The following FLI1 variants were observed in gnomAD, a reference collection of about 807,000 sequenced individuals.
FLI1 encodes Friend leukemia integration 1 transcription factor.
FLI1 carries 13 observed loss-of-function variants against 53.1 expected under a neutral mutation model. That is an observed-to-expected ratio of 0.24 (90% confidence interval 0.16 to 0.39). The LOEUF is 0.39. Among genes scored for constraint, FLI1 ranks in the 10% least tolerant of loss-of-function variants. The probability of loss-of-function intolerance (pLI) is 1.00; values close to 1 mark genes in which losing one functional copy is unlikely to be tolerated. For synonymous variants in FLI1, 244 were observed against 236.7 expected, an observed-to-expected ratio of 1.03 and a Z score of -0.28; for missense variants, 424 against 600.5, an observed-to-expected ratio of 0.71 and a Z score of 3.07.
At chr11:128,744,233 T>A (rs2135781402) in intron 1 of FLI1, among the ~76,000 whole-genome samples, 1 of 152,308 alleles carries the variant, frequency 6.6e-6, no homozygotes, top group Non-Finnish European at 1.5e-5. Context: ...GGATAAGCAT[T>A]TCCTGGAACA....
rs980332497 is a variant in FLI1 at position 128,700,304 on chromosome 11, A to G, written c.18+6028A>G. 3.3e-5 allele frequency among the ~76,000 whole-genome samples: 5 copies of G among 152,224 alleles called. No homozygotes were observed. In the East Asian group the frequency reaches 5.8e-4, roughly 18 times the overall value. Reference sequence around the variant, plus strand: ...TCAGAGGAGTGAGGTAACTTGCCCAAGAGTATAACTAACAGGGGACAGATC... The same window carrying G: ...TCAGAGGAGTGAGGTAACTTGCCCAGGAGTATAACTAACAGGGGACAGATC... On this transcript the variant is annotated intron_variant, in intron 1 of 8. Coordinates refer to ENST00000527786, the MANE Select transcript of FLI1 (RefSeq NM_002017.5).
At chr11:128,696,115 G>C (rs908564136) in intron 1 of FLI1, 1 of 152,240 alleles carries the variant, frequency 6.6e-6, no homozygotes, top group Admixed American at 6.5e-5. Flanking sequence ...GGCAGGCCTC[G>C]AGAACAGGCT....
At chr11:128,774,202 A>C (rs35165019) in intron 4 of FLI1, among the ~76,000 whole-genome samples, 24 of 152,284 alleles carry the variant, frequency 1.6e-4, no homozygotes, top group Admixed American at 4.6e-4. Context: ...ATGAAAAATC[A>C]AAAAACTGGC....
At chr11:128,789,673 G>A (rs939270158) in intron 5 of FLI1, among the ~76,000 whole-genome samples, 3 of 152,196 alleles carry the variant, frequency 2.0e-5, no homozygotes, top group Non-Finnish European at 4.4e-5. Context: ...TTGGGAAGGC[G>A]GGCATTTGGC....
chr11:128,756,095 C>A (rs1853020193), intron 1 of FLI1, among the ~76,000 whole-genome samples: 1 of 152,166 alleles, frequency 6.6e-6, no homozygotes, highest in Non-Finnish European at 1.5e-5. Context: ...TAGACAAATC[C>A]CAGCTTTAAC....
intron 1 of FLI1, among the ~76,000 whole-genome samples, chr11:128,755,346 C>T (rs1265907128): frequency 1.3e-5 from 2 of 152,234 alleles, no homozygotes; most frequent in Non-Finnish European, 2.9e-5. Context: ...GAACGTAAGC[C>T]ATTCTCTACA....
intron 4 of FLI1, 59 bp from the exon 5 acceptor site, chr11:128,781,899 C>A: frequency 7.4e-7 from 1 of 1,342,382 alleles, no homozygotes; most frequent in South Asian, 1.2e-5. Context: ...CATGTCATCT[C>A]CTACTCTTGA....
chr11:128,804,585 G>T lies in FLI1; in HGVS notation c.656-781G>T, dbSNP rs1467506818. On this transcript the variant is annotated intron_variant, in intron 5 of 8. Transcript: ENST00000527786. Reference sequence around the variant, plus strand: ...AAGCCCTTAGTCATGCCCAGGTGGGGAGCAGGTCTCCAACCTCTCATTTCC... The same window carrying T: ...AAGCCCTTAGTCATGCCCAGGTGGGTAGCAGGTCTCCAACCTCTCATTTCC... The T allele has an allele frequency of 2.6e-5, 4 of 152,170 alleles. No homozygotes were observed. The East Asian group carries it at 7.7e-4, about 29-fold the overall frequency. The allele number at this position is 152,170 out of a possible 1,614,324, so 9.4% of individuals were successfully genotyped here.
At chr11:128,697,894 A>G (rs895381208) in intron 1 of FLI1, among the ~76,000 whole-genome samples, 1 of 152,218 alleles carries the variant, frequency 6.6e-6, no homozygotes, top group Admixed American at 6.5e-5. Context: ...GAACAATCTC[A>G]GTTGAGTGGT....
chr11:128,811,140 C>A lies in FLI1; in HGVS notation c.*152C>A. ...AACCTTTGTATTTGTTCTTTAAAAA[C>A]ATTTTTTTTAATGTTGGTAACTTTT... On this transcript the variant is annotated 3_prime_UTR_variant, in exon 9 of 9. Coordinates refer to ENST00000527786, the MANE Select transcript of FLI1 (RefSeq NM_002017.5). The A allele has an allele frequency of 2.7e-6, 2 of 747,584 alleles. No individual in the cohort carries two copies. Among genetic ancestry groups the A allele is most frequent in the Non-Finnish European group, 4.3e-6 (2 of 462,402 alleles). 46.3% of individuals were successfully genotyped at this position (747,584 alleles called of 1,614,324 possible).
At chr11:128,756,256 C>G (rs1293181349) in intron 1 of FLI1, among the ~76,000 whole-genome samples, 1 of 152,174 alleles carries the variant, frequency 6.6e-6, no homozygotes, top group South Asian at 2.1e-4. Flanking sequence ...GATCAGGGTG[C>G]CAGCAGGGTT....
At chr11:128,726,859 G>A (rs1046632004) in intron 1 of FLI1, among the ~76,000 whole-genome samples, 5 of 152,118 alleles carry the variant, frequency 3.3e-5, no homozygotes, top group South Asian at 4.2e-4. Context: ...TGATCAAAAC[G>A]GAATGGGGTT....
intron 5 of FLI1, chr11:128,804,849 A>G (rs1942734437): frequency 6.6e-6 from 1 of 152,184 alleles, no homozygotes; most frequent in African/African-American, 2.4e-5. Flanking sequence ...CTTTCACCCA[A>G]TCCAGACCTT....
chr11:128,778,129 T>C (rs1365380104), intron 4 of FLI1, among the ~76,000 whole-genome samples: 1 of 152,248 alleles, frequency 6.6e-6, no homozygotes, highest in African/African-American at 2.4e-5. Flanking sequence ...TATATGTATA[T>C]GCATACACAC....
At chr11:128,698,611 T>G (rs611136) in intron 1 of FLI1, among the ~76,000 whole-genome samples, 1 of 152,188 alleles carries the variant, frequency 6.6e-6, no homozygotes, top group Non-Finnish European at 1.5e-5. Flanking sequence ...CTCTGCACCC[T>G]TAGGCCAGTG....
At chr11:128,781,804 G>A (rs1430124445) in intron 4 of FLI1, among the ~76,000 whole-genome samples, 154 bp from the exon 5 acceptor site, 1 of 152,044 alleles carries the variant, frequency 6.6e-6, no homozygotes, top group Non-Finnish European at 1.5e-5. Context: ...CCAACCAAAT[G>A]GATTCCATTC....
chr11:128,685,399 C>A, upstream of FLI1, among the ~76,000 whole-genome samples: 1 of 152,212 alleles, frequency 6.6e-6, no homozygotes, highest in Non-Finnish European at 1.5e-5. Context: ...GTCCGATCCT[C>A]TGGGGGCGAT....
chr11:128,778,917 G>A (rs545347605), intron 4 of FLI1, among the ~76,000 whole-genome samples: 17 of 152,260 alleles, frequency 1.1e-4, no homozygotes, highest in East Asian at 1.9e-4. Context: ...AGTAGAAATC[G>A]GAGAAGAGGA....
intron 4 of FLI1, among the ~76,000 whole-genome samples, chr11:128,774,927 A>T (rs1941687278): frequency 6.6e-6 from 1 of 151,888 alleles, no homozygotes; most frequent in African/African-American, 2.4e-5. Context: ...GCAGATAACA[A>T]GGTTGAAGTG....
Sources: allele counts gnomAD v4.1 joint callset (sites outside exome capture counted in the v4.1 genomes callset), GRCh38; gene constraint gnomAD v4.1.1; transcripts MANE v1.5; gene names NCBI Gene and HGNC (gene_info 2026-07-23, HGNC 2026-07-21).